The following CEP112 variants were observed in gnomAD, a reference collection of about 807,000 sequenced individuals.
CEP112 encodes the protein centrosomal protein of 112 kDa.
Under a neutral mutation model 153.0 loss-of-function variants are expected in CEP112, and 127 were observed. The observed-to-expected ratio is 0.83, with a 90% CI of 0.72 to 0.96. CEP112 has a LOEUF of 0.96. Ranked by LOEUF, CEP112 falls within the 40% of genes least tolerant of loss-of-function variation. CEP112 has a pLI of 0.00. For missense variants in CEP112, 1,089 were observed against 1,101.2 expected (o/e 0.99, Z 0.16); for synonymous variants, 358 against 374.4 (o/e 0.96, Z 0.51).
intron 4 of CEP112, among the ~76,000 whole-genome samples, chr17:66,166,137 T>C (rs1568567377): frequency 6.6e-6 from 1 of 152,168 alleles, no homozygotes; most frequent in Non-Finnish European, 1.5e-5. Flanking sequence ...TAGTAGGTAG[T>C]TAATAATAAT....
chr17:66,062,156 T>C (rs1299527639), intron 11 of CEP112, among the ~76,000 whole-genome samples: 1 of 152,090 alleles, frequency 6.6e-6, no homozygotes, highest in Non-Finnish European at 1.5e-5. Context: ...TAAAGCTCTT[T>C]CCTTTATAAA....
At chr17:66,108,708 T>G (rs1341565394) in intron 6 of CEP112, among the ~76,000 whole-genome samples, 1 of 152,040 alleles carries the variant, frequency 6.6e-6, no homozygotes, top group Non-Finnish European at 1.5e-5. Context: ...AGGGTAGAGA[T>G]TCCTCAAAAA....
intron 24 of CEP112, chr17:65,644,419 G>C (rs1027923220): frequency 2.0e-6 from 1 of 505,460 alleles, no homozygotes; most frequent in East Asian, 4.7e-5. Context: ...GGACCTCAAG[G>C]CTTAGCTCGG....
chr17:66,187,000 T>C (rs903082863), intron 1 of CEP112, among the ~76,000 whole-genome samples: 14 of 152,166 alleles, frequency 9.2e-5, no homozygotes, highest in Non-Finnish European at 1.5e-4. Context: ...TCCCTCTACC[T>C]GTCCTCTATC....
chr17:66,038,789 T>A (rs2065850998), intron 12 of CEP112, among the ~76,000 whole-genome samples: 1 of 152,192 alleles, frequency 6.6e-6, no homozygotes, highest in South Asian at 2.1e-4. Flanking sequence ...TGAACTGATG[T>A]AACTTGTAAG....
intron 18 of CEP112, among the ~76,000 whole-genome samples, chr17:65,947,849 C>T (rs1393554581): frequency 1.3e-5 from 2 of 151,920 alleles, no homozygotes; most frequent in Non-Finnish European, 2.9e-5. Context: ...AGAGAAAATG[C>T]TTCTATTTAT....
At chr17:65,877,690 T>C (rs1411382624) in intron 20 of CEP112, among the ~76,000 whole-genome samples, 2 of 152,080 alleles carry the variant, frequency 1.3e-5, no homozygotes, top group Non-Finnish European at 2.9e-5. Context: ...GAACACTATG[T>C]AAAAAAACAC....
intron 8 of CEP112, among the ~76,000 whole-genome samples, chr17:66,073,030 C>A (rs1598293872): frequency 6.6e-6 from 1 of 152,092 alleles, no homozygotes; most frequent in Non-Finnish European, 1.5e-5. Context: ...ATTAGTTTGA[C>A]CTCCAAGGAA....
chr17:66,000,772 C>T (rs1389626254), intron 17 of CEP112, among the ~76,000 whole-genome samples: 1 of 152,196 alleles, frequency 6.6e-6, no homozygotes, highest in East Asian at 1.9e-4. Flanking sequence ...TTGTGCAGGG[C>T]AAGCCTGAAC....
intron 23 of CEP112, among the ~76,000 whole-genome samples, chr17:65,720,128 C>T (rs1221523356): frequency 2.0e-5 from 3 of 152,322 alleles, no homozygotes; most frequent in African/African-American, 7.2e-5. Flanking sequence ...TGGACACTGA[C>T]ATGAACCGCA....
intron 24 of CEP112, among the ~76,000 whole-genome samples, chr17:65,672,880 A>G (rs762050680): frequency 6.6e-6 from 1 of 152,230 alleles, no homozygotes; most frequent in Non-Finnish European, 1.5e-5. Context: ...CAGTCAATAC[A>G]TGGTATTAGT....
intron 23 of CEP112, among the ~76,000 whole-genome samples, chr17:65,691,180 C>T (rs1360206552): frequency 3.3e-5 from 5 of 152,166 alleles, no homozygotes; most frequent in Admixed American, 2.0e-4. Flanking sequence ...GGAGAGGAGC[C>T]GGAGCTCAGC....
chr17:66,077,279 C>T (rs1205139506), intron 8 of CEP112, among the ~76,000 whole-genome samples: 8 of 151,864 alleles, frequency 5.3e-5, no homozygotes, highest in African/African-American at 1.9e-4. Context: ...AAAGGTGAAG[C>T]CCAATTCAAG....
At chr17:66,033,896 C>A (rs551826474) in intron 12 of CEP112, among the ~76,000 whole-genome samples, 4 of 152,194 alleles carry the variant, frequency 2.6e-5, no homozygotes, top group African/African-American at 9.6e-5. Flanking sequence ...AACAGCTGAC[C>A]TTGAATGATA....
intron 12 of CEP112, among the ~76,000 whole-genome samples, chr17:66,050,029 G>C (rs559942459): frequency 5.3e-5 from 8 of 152,004 alleles, no homozygotes; most frequent in African/African-American, 1.9e-4. Flanking sequence ...CAAATTTAAA[G>C]GGCTCAAAAT....
intron 23 of CEP112, among the ~76,000 whole-genome samples, chr17:65,718,046 A>G (rs1782726224): frequency 6.6e-6 from 1 of 152,222 alleles, no homozygotes; most frequent in Non-Finnish European, 1.5e-5. Flanking sequence ...GCACGGGGGC[A>G]TAAAAGTGAA....
At chr17:65,651,891 T>C (rs954909251) in intron 24 of CEP112, among the ~76,000 whole-genome samples, 9 of 152,078 alleles carry the variant, frequency 5.9e-5, no homozygotes, top group Non-Finnish European at 8.8e-5. Flanking sequence ...TTAGTAGAGA[T>C]AGGGTTTCAC....
At chr17:65,699,024 G>A (rs1011106648) in intron 23 of CEP112, among the ~76,000 whole-genome samples, 5 of 152,052 alleles carry the variant, frequency 3.3e-5, no homozygotes, top group African/African-American at 9.7e-5. Flanking sequence ...TTTCTCCTCC[G>A]TGAAAACTGA....
intron 17 of CEP112, among the ~76,000 whole-genome samples, chr17:65,988,099 C>T (rs922685168): frequency 6.6e-6 from 1 of 152,112 alleles, no homozygotes; most frequent in Non-Finnish European, 1.5e-5. Flanking sequence ...ACTCCTAACC[C>T]GCCTTCCCAC....
Sources: gnomAD v4.1 joint callset for allele counts (sites outside exome capture counted in the v4.1 genomes callset) on GRCh38, gnomAD v4.1.1 for gene constraint, MANE v1.5 for transcripts, NCBI Gene and HGNC (gene_info 2026-07-23, HGNC 2026-07-21) for gene names.